CHST8: variants seen among roughly 807,000 people sequenced by gnomAD.
CHST8 encodes GALNAC-4-ST1.
Under a neutral mutation model 15.0 loss-of-function variants are expected in CHST8, and 10 were observed. The ratio of observed to expected loss-of-function variants is 0.67; its 90% CI spans 0.41 to 1.13. CHST8 has a LOEUF of 1.13. CHST8 is among the 50% of genes most tolerant of loss of function. The probability of loss-of-function intolerance (pLI) is 0.00; values close to 1 mark genes in which losing one functional copy is unlikely to be tolerated. For synonymous variants in CHST8, 259 were observed against 256.6 expected, an observed-to-expected ratio of 1.01 and a Z score of -0.09; for missense variants, 634 against 608.2, an observed-to-expected ratio of 1.04 and a Z score of -0.45.
intron 3 of CHST8, among the ~76,000 whole-genome samples, chr19:33,757,426 GA>G (rs1325941113): frequency 3.3e-4 from 4 of 12,034 alleles, no homozygotes; most frequent in Non-Finnish European, 5.2e-4. Flanking sequence ...AAGAAAGAAA[GA>G]AAGAAAGAAA....
At chr19:33,703,186 C>G (rs746205273) in intron 3 of CHST8, among the ~76,000 whole-genome samples, 7 of 152,236 alleles carry the variant, frequency 4.6e-5, no homozygotes, top group Non-Finnish European at 1.0e-4. Flanking sequence ...GGCTCTGTCC[C>G]CTTCCCCCAG....
intron 1 of CHST8, among the ~76,000 whole-genome samples, chr19:33,649,513 G>A (rs1972405777): frequency 4.6e-5 from 7 of 152,122 alleles, no homozygotes; most frequent in Admixed American, 4.6e-4. Context: ...ATGCTGAACG[G>A]GCTGGCCAAA....
At chr19:33,682,223 C>T (rs1213564546) in intron 2 of CHST8, among the ~76,000 whole-genome samples, 3 of 134,910 alleles carry the variant, frequency 2.2e-5, no homozygotes, top group Admixed American at 7.8e-5. Context: ...GACAGAGTCT[C>T]GCTCTGTTGC....
At chr19:33,738,207 G>A (rs536155725) in intron 3 of CHST8, among the ~76,000 whole-genome samples, 7 of 152,332 alleles carry the variant, frequency 4.6e-5, no homozygotes, top group East Asian at 1.9e-4. Flanking sequence ...GGACAGGGTC[G>A]TGGACTGGCT....
intron 3 of CHST8, among the ~76,000 whole-genome samples, chr19:33,705,341 C>G (rs1973426400): frequency 6.6e-6 from 1 of 152,190 alleles, no homozygotes; most frequent in Non-Finnish European, 1.5e-5. Flanking sequence ...GGGAGCCCTG[C>G]CAGATACCTG....
At chr19:33,667,094 G>A (rs1033676269) in intron 1 of CHST8, among the ~76,000 whole-genome samples, 1 of 152,192 alleles carries the variant, frequency 6.6e-6, no homozygotes, top group African/African-American at 2.4e-5. Context: ...AGGCACCTAG[G>A]TTTGCACATA....
intron 3 of CHST8, among the ~76,000 whole-genome samples, chr19:33,760,700 G>C (rs1479732551): frequency 2.0e-5 from 3 of 152,104 alleles, no homozygotes; most frequent in Non-Finnish European, 4.4e-5. Flanking sequence ...AGGCCATGAA[G>C]CTCTGCCAGA....
intron 3 of CHST8, among the ~76,000 whole-genome samples, chr19:33,700,269 G>A (rs2145276332): frequency 6.6e-6 from 1 of 152,330 alleles, no homozygotes; most frequent in East Asian, 1.9e-4. Flanking sequence ...ACACATCCTT[G>A]TTGTGACTGT....
At chr19:33,765,140 A>T (rs910602954) in intron 3 of CHST8, among the ~76,000 whole-genome samples, 1 of 150,348 alleles carries the variant, frequency 6.7e-6, no homozygotes, top group Non-Finnish European at 1.5e-5. Context: ...CTATTTTAAT[A>T]TGACTGGTGT....
At chr19:33,712,160 T>G (rs1014083493) in intron 3 of CHST8, among the ~76,000 whole-genome samples, 3 of 152,226 alleles carry the variant, frequency 2.0e-5, no homozygotes, top group Non-Finnish European at 4.4e-5. Flanking sequence ...TTTTCTGGCC[T>G]CTGCACTGAC....
chr19:33,694,143 CCATA>C (rs1973157252), intron 3 of CHST8, among the ~76,000 whole-genome samples: 1 of 49,718 alleles, frequency 2.0e-5, no homozygotes, highest in African/African-American at 8.8e-5. Flanking sequence ...TGCAATGTTA[CCATA>C]CAGATTCTAT....
chr19:33,736,155 G>A (rs747519864), intron 3 of CHST8, among the ~76,000 whole-genome samples: 6 of 152,202 alleles, frequency 3.9e-5, no homozygotes, highest in Admixed American at 1.3e-4. Flanking sequence ...TCAGGATGCT[G>A]TTGAACTGAG....
At chr19:33,730,304 G>A (rs549524941) in intron 3 of CHST8, among the ~76,000 whole-genome samples, 3 of 152,352 alleles carry the variant, frequency 2.0e-5, no homozygotes, top group Admixed American at 6.5e-5. Context: ...AGGAAGCAAG[G>A]TTGAAGCAGG....
chr19:33,650,501 C>CTTTTCTTTTT (rs1972424942), intron 1 of CHST8, among the ~76,000 whole-genome samples: 10 of 50,918 alleles, frequency 2.0e-4, no homozygotes, highest in African/African-American at 5.0e-4. Context: ...TTTTCTTTTT[C>CTTTTCTTTTT]TTTTTCTTTT....
At chr19:33,653,349 G>T (rs2145213455) in intron 1 of CHST8, among the ~76,000 whole-genome samples, 1 of 152,276 alleles carries the variant, frequency 6.6e-6, no homozygotes. Flanking sequence ...GAGTTAGTGT[G>T]TCAGTGCTTT....
At chr19:33,682,643 A>G (rs1017107508) in intron 2 of CHST8, among the ~76,000 whole-genome samples, 1 of 152,226 alleles carries the variant, frequency 6.6e-6, no homozygotes, top group Non-Finnish European at 1.5e-5. Flanking sequence ...CACAAGTGGA[A>G]TTATACAGTA....
intron 1 of CHST8, among the ~76,000 whole-genome samples, chr19:33,666,579 G>A (rs536260194): frequency 7.9e-5 from 12 of 152,326 alleles, no homozygotes; most frequent in African/African-American, 2.6e-4. Flanking sequence ...AGAGGGTGCC[G>A]GGAGAGGTGG....
chr19:33,708,375 G>C (rs1365521995), intron 3 of CHST8, among the ~76,000 whole-genome samples: 1 of 152,168 alleles, frequency 6.6e-6, no homozygotes, highest in African/African-American at 2.4e-5. Context: ...TGTTACATCT[G>C]TGTCTGCGGT....
chr19:33,718,455 T>C (rs781538532), intron 3 of CHST8, among the ~76,000 whole-genome samples: 1 of 152,176 alleles, frequency 6.6e-6, no homozygotes, highest in Non-Finnish European at 1.5e-5. Context: ...TCCTGCACTT[T>C]GCTGCATTCT....
Sources: allele counts gnomAD v4.1 joint callset (sites outside exome capture counted in the v4.1 genomes callset), GRCh38; gene constraint gnomAD v4.1.1; transcripts MANE v1.5; gene names NCBI Gene and HGNC (gene_info 2026-07-23, HGNC 2026-07-21).